TMEM87A: variants seen among roughly 807,000 people sequenced by gnomAD.
TMEM87A encodes the protein transmembrane protein 87A, also known as Golgi-pH regulating cation channel.
TMEM87A carries 50 observed loss-of-function variants against 90.0 expected under a neutral mutation model. The observed-to-expected ratio is 0.56, with a 90% confidence interval of 0.44 to 0.70. The LOEUF is 0.70. Ranked by LOEUF, TMEM87A falls within the 30% of genes least tolerant of loss-of-function variation. The probability of loss-of-function intolerance (pLI) is 0.00; values close to 1 mark genes in which losing one functional copy is unlikely to be tolerated. For synonymous variants in TMEM87A, 226 were observed against 226.7 expected, an observed-to-expected ratio of 1.00 and a Z score of 0.03; for missense variants, 577 against 660.5, an observed-to-expected ratio of 0.87 and a Z score of 1.39.
intron 12 of TMEM87A, among the ~76,000 whole-genome samples, chr15:42,229,705 T>C (rs1386269167): frequency 6.6e-6 from 1 of 152,174 alleles, no homozygotes; most frequent in Non-Finnish European, 1.5e-5. Context: ...GAGAAGCTCA[T>C]ATGGTTTGCT....
intron 10 of TMEM87A, among the ~76,000 whole-genome samples, chr15:42,234,902 C>T (rs2050745147): frequency 6.6e-6 from 1 of 152,188 alleles, no homozygotes; most frequent in African/African-American, 2.4e-5. Context: ...ACTGGTCTCT[C>T]CTCAATTTCT....
chr15:42,241,744 T>C (rs1169863566), intron 7 of TMEM87A, among the ~76,000 whole-genome samples: 1 of 152,092 alleles, frequency 6.6e-6, no homozygotes, highest in Non-Finnish European at 1.5e-5. Context: ...TCCCAGCACA[T>C]TGCGAGGCCA....
Position 42,261,241 on chromosome 15 carries a change from A to C in TMEM87A, c.414T>G (p.Ser138=). Reference sequence around the variant, plus strand: ...GAGGCAGTCGATGCATAAAATCTCCAGAAAAGGTCTATAAAAGAAACACAA... The same window carrying C: ...GAGGCAGTCGATGCATAAAATCTCCCGAAAAGGTCTATAAAAGAAACACAA... ...CSELFKTQTF[S]GDFMHRLPLL... is the part of the protein sequence containing the mutation. Residue 138 remains serine, a synonymous_variant, in exon 5 of 20, where the codon TCT becomes TCG. Transcript: ENST00000389834. The C allele has an allele frequency of 1.2e-6, 2 of 1,613,388 alleles. No homozygotes were observed. The highest frequency in any genetic ancestry group is 8.5e-7 in the Non-Finnish European group (1 of 1,179,752).
intron 1 of TMEM87A, 191 bp downstream of exon 1, chr15:42,273,064 C>G: frequency 1.4e-6 from 1 of 712,366 alleles, no homozygotes; most frequent in South Asian, 1.6e-5. Flanking sequence ...TACATTCCCG[C>G]TAGCCTAATC....
chr15:42,219,599 A>G lies in TMEM87A; in HGVS notation c.1521T>C (p.Asn507=). Residue 507 remains asparagine (N), a synonymous_variant, in exon 17 of 20, where the codon AAT becomes AAC. Transcript: ENST00000389834. ...TACTTACTGCTTTGTTAACTTTACT[A>G]TTTCCATTGGGTTCTTGTTTGGTAC... ...MRSTKQEPNG[N]SKVNKAQEDD... 6.2e-7 allele frequency: 1 copy of G among 1,600,136 alleles called. No homozygotes were observed. The highest frequency in any genetic ancestry group is 8.5e-7 in the Non-Finnish European group (1 of 1,172,710).
intron 15 of TMEM87A, among the ~76,000 whole-genome samples, chr15:42,225,779 T>G (rs992595506): frequency 6.6e-5 from 10 of 152,204 alleles, no homozygotes; most frequent in Non-Finnish European, 1.5e-4. Flanking sequence ...TCATGTGATC[T>G]GCCCACCTTG....
At chr15:42,261,554 T>C (rs1467144437) in intron 4 of TMEM87A, among the ~76,000 whole-genome samples, 3 of 152,194 alleles carry the variant, frequency 2.0e-5, no homozygotes, top group Non-Finnish European at 2.9e-5. Flanking sequence ...GCTTAGATCA[T>C]TTCCCCTCAT....
intron 7 of TMEM87A, among the ~76,000 whole-genome samples, chr15:42,241,495 T>C (rs2050866474): frequency 1.3e-5 from 2 of 152,134 alleles, no homozygotes; most frequent in Non-Finnish European, 2.9e-5. Context: ...CATATAGTAG[T>C]GGTGTTTTGA....
rs1381635760 is a variant in TMEM87A, at chr15:42,228,817, A to G, written c.1135T>C (p.Phe379Leu). The change falls in exon 13 of 20, where the codon TTT (phenylalanine) becomes CTT (leucine). Residue 379 changes from phenylalanine (F) to leucine (L), a missense_variant. Physicochemically the swap from Phe to Leu is conservative, Grantham distance 22. Coordinates refer to ENST00000389834, the MANE Select transcript of TMEM87A (RefSeq NM_015497.5). ...TTCATTGTTTGAGTCAGGCTAATAA[A>G]TATGTGTTTGCAGGTCAAGGAATTC... is the stretch of plus-strand genomic sequence containing the variant. Reference protein sequence around the residue: ...FLDTALCWWIFISLTQTMKLL... With the variant: ...FLDTALCWWILISLTQTMKLL... 6.3e-7 allele frequency: 1 copy of G among 1,578,926 alleles called. No individual in the cohort carries two copies. The highest frequency in any genetic ancestry group is 2.3e-5 in the East Asian group (1 of 44,322).
At chr15:42,251,249 G>A (rs1281343397) in intron 6 of TMEM87A, among the ~76,000 whole-genome samples, 2 of 152,268 alleles carry the variant, frequency 1.3e-5, no homozygotes, top group East Asian at 1.9e-4. Context: ...CTGTCAACTC[G>A]TCAAATTCAT....
At chr15:42,255,224 C>G (rs1284737053) in intron 6 of TMEM87A, among the ~76,000 whole-genome samples, 1 of 152,098 alleles carries the variant, frequency 6.6e-6, no homozygotes. Context: ...ACCTCCACCT[C>G]CCAGGTTCAA....
At chr15:42,271,011 T>TATA (rs1332557788) in intron 2 of TMEM87A, among the ~76,000 whole-genome samples, 4 of 152,236 alleles carry the variant, frequency 2.6e-5, no homozygotes, top group African/African-American at 9.6e-5. Context: ...TGCACTTCCG[T>TATA]GAAGACAGTA....
intron 16 of TMEM87A, 50 bp from the exon 17 acceptor site, chr15:42,219,692 A>C: frequency 7.9e-7 from 1 of 1,267,618 alleles, no homozygotes; most frequent in Non-Finnish European, 1.1e-6. Flanking sequence ...ACAGACCAAC[A>C]ATGTTGGCAA....
chr15:42,244,706 C>G (rs951838084), intron 6 of TMEM87A, among the ~76,000 whole-genome samples: 81 of 146,002 alleles, frequency 5.5e-4, no homozygotes, highest in African/African-American at 1.9e-3. Flanking sequence ...GCAAGAGTCA[C>G]TACCCCTCAA....
chr15:42,233,611 T>C (rs4924636), intron 10 of TMEM87A, among the ~76,000 whole-genome samples: 144,793 of 152,216 alleles, frequency 0.95, 69,116 homozygotes, highest in Non-Finnish European at 1. Flanking sequence ...CAACAACCAC[T>C]AACCTATGGT....
At chr15:42,221,173 C>T (rs980206670) in intron 15 of TMEM87A, among the ~76,000 whole-genome samples, 2 of 151,616 alleles carry the variant, frequency 1.3e-5, no homozygotes, top group East Asian at 2.0e-4. Context: ...CCCTTGACCC[C>T]GGGGAACAGA....
Position 42,220,107 on chromosome 15 carries a change from C to T in TMEM87A, c.1432G>A (p.Glu478Lys), listed in dbSNP as rs760294431. The T allele has an allele frequency of 1.1e-5, 17 of 1,607,732 alleles. No individual in the cohort carries two copies. Among genetic ancestry groups the T allele is most frequent in the Non-Finnish European group, 1.4e-5 (16 of 1,178,206 alleles). ...GGCTCCTTTTGTTCATCCTCCTCCTCTTCCTCAGACAATGGTGAAAAGGCA... is the reference window on the plus strand; with the variant it reads ...GGCTCCTTTTGTTCATCCTCCTCCTTTTCCTCAGACAATGGTGAAAAGGCA... ...RFAFSPLSEE[E>K]EEDEQKEPML... The change falls in exon 16 of 20, where the codon GAG becomes AAG. Residue 478 changes from glutamate to lysine, a missense_variant. By Grantham distance (56) the Glu-to-Lys change is moderately conservative (BLOSUM62 1). Transcript: ENST00000389834.
intron 6 of TMEM87A, among the ~76,000 whole-genome samples, chr15:42,247,146 T>C (rs1171038413): frequency 1.3e-5 from 2 of 152,140 alleles, no homozygotes; most frequent in Non-Finnish European, 2.9e-5. Flanking sequence ...GGGGTTGATT[T>C]TTTCTTGTAA....
intron 4 of TMEM87A, 22 bp downstream of exon 4, chr15:42,264,068 T>C (rs747902923): frequency 3.8e-6 from 6 of 1,584,606 alleles, no homozygotes; most frequent in South Asian, 2.3e-5. Flanking sequence ...TCTATTTATC[T>C]CCAATCACTT....
Sources: allele counts gnomAD v4.1 joint callset (sites outside exome capture counted in the v4.1 genomes callset), GRCh38; gene constraint gnomAD v4.1.1; transcripts MANE v1.5; gene names NCBI Gene and HGNC (gene_info 2026-07-23, HGNC 2026-07-21).